ENTREP2: variants seen among roughly 807,000 people sequenced by gnomAD.
ENTREP2 encodes protein ENTREP2.
chr15:29,206,192 G>C, the ENTREP2 span, among the ~76,000 whole-genome samples: 9 of 152,172 alleles, frequency 5.9e-5, no homozygotes, highest in African/African-American at 2.2e-4. Context: ...TTTGGTGTAT[G>C]GTGACATCCT....
chr15:29,634,351 C>A, the ENTREP2 span, among the ~76,000 whole-genome samples: 2 of 152,158 alleles, frequency 1.3e-5, no homozygotes, highest in African/African-American at 2.4e-5. Context: ...CCCCTCCCAG[C>A]AGAGCTTGGA....
At chr15:29,657,724 G>A in the ENTREP2 span, among the ~76,000 whole-genome samples, 1 of 152,044 alleles carries the variant, frequency 6.6e-6, no homozygotes, top group African/African-American at 2.4e-5. Context: ...TTCCTGATTG[G>A]TGCATTTTAC....
At chr15:29,620,276 T>C in the ENTREP2 span, among the ~76,000 whole-genome samples, 1 of 152,054 alleles carries the variant, frequency 6.6e-6, no homozygotes, top group African/African-American at 2.4e-5. Flanking sequence ...GCCATGGAGC[T>C]GAGCATGAAC....
At chr15:29,442,222 C>T in the ENTREP2 span, among the ~76,000 whole-genome samples, 1 of 152,118 alleles carries the variant, frequency 6.6e-6, no homozygotes, top group Non-Finnish European at 1.5e-5. Context: ...ATCAGATAAG[C>T]GTTATAAAAA....
At chr15:29,238,567 G>A in the ENTREP2 span, among the ~76,000 whole-genome samples, 5 of 152,026 alleles carry the variant, frequency 3.3e-5, no homozygotes, top group Admixed American at 2.0e-4. Context: ...CCTGGAAGGC[G>A]GAGGTTGCAA....
At chr15:29,284,185 A>G in the ENTREP2 span, among the ~76,000 whole-genome samples, 1 of 152,236 alleles carries the variant, frequency 6.6e-6, no homozygotes. Context: ...ACACATCCTT[A>G]CAAAGCTGCT....
chr15:29,349,025 T>C, the ENTREP2 span, among the ~76,000 whole-genome samples: 1 of 152,178 alleles, frequency 6.6e-6, no homozygotes, highest in Non-Finnish European at 1.5e-5. Context: ...AAAAGTCCAG[T>C]TGGCAGAGCA....
the ENTREP2 span, among the ~76,000 whole-genome samples, chr15:29,212,127 T>C: frequency 1.3e-5 from 2 of 152,182 alleles, no homozygotes; most frequent in East Asian, 3.8e-4. Flanking sequence ...TTGTTGGTAA[T>C]TTTTAAATTG....
the ENTREP2 span, chr15:29,195,453 C>T: frequency 3.4e-6 from 1 of 290,358 alleles, no homozygotes; most frequent in Non-Finnish European, 5.1e-6. Context: ...CTAGAACCCC[C>T]TCCATACTGC....
At chr15:29,513,214 G>A in the ENTREP2 span, among the ~76,000 whole-genome samples, 2 of 152,090 alleles carry the variant, frequency 1.3e-5, no homozygotes, top group Non-Finnish European at 2.9e-5. Context: ...GGACCACAAG[G>A]GCCGCCTGCT....
At chr15:29,608,524 T>TATG in the ENTREP2 span, among the ~76,000 whole-genome samples, 1 of 132,866 alleles carries the variant, frequency 7.5e-6, no homozygotes, top group African/African-American at 3.1e-5. Context: ...CTGCCTTCTT[T>TATG]ATTATTATTA....
At chr15:29,222,504 G>A in the ENTREP2 span, among the ~76,000 whole-genome samples, 4 of 152,150 alleles carry the variant, frequency 2.6e-5, no homozygotes, top group South Asian at 8.3e-4. Flanking sequence ...CCTCTCTTGG[G>A]GTCTGGATTG....
At chr15:29,623,006 C>T in the ENTREP2 span, among the ~76,000 whole-genome samples, 2 of 152,138 alleles carry the variant, frequency 1.3e-5, no homozygotes, top group Admixed American at 6.5e-5. Context: ...AGTGGTTTTA[C>T]GATGATGTTT....
the ENTREP2 span, among the ~76,000 whole-genome samples, chr15:29,517,189 C>A: frequency 6.6e-6 from 1 of 152,080 alleles, no homozygotes; most frequent in South Asian, 2.1e-4. Flanking sequence ...CAACCTCATC[C>A]CACACATGCA....
the ENTREP2 span, among the ~76,000 whole-genome samples, chr15:29,630,528 T>TG: frequency 6.6e-6 from 1 of 152,210 alleles, no homozygotes; most frequent in East Asian, 1.9e-4. Context: ...GCACCAAAGT[T>TG]GGGGAATTTT....
chr15:29,234,094 C>T, the ENTREP2 span: 1 of 1,497,382 alleles, frequency 6.7e-7, no homozygotes, highest in East Asian at 2.3e-5. Context: ...GTCTTGATAA[C>T]ATATCAGACA....
chr15:29,569,575 G>A, the ENTREP2 span: 1 of 152,168 alleles, frequency 6.6e-6, no homozygotes, highest in South Asian at 2.1e-4. Flanking sequence ...AGAGTTCTCA[G>A]AACAAGTGCC....
At chr15:29,431,117 C>A in the ENTREP2 span, among the ~76,000 whole-genome samples, 4 of 152,144 alleles carry the variant, frequency 2.6e-5, no homozygotes. Context: ...TTAATCCTCA[C>A]AAGGACCTAA....
the ENTREP2 span, among the ~76,000 whole-genome samples, chr15:29,305,234 G>T: frequency 1.3e-5 from 2 of 152,214 alleles, no homozygotes; most frequent in Admixed American, 1.3e-4. Flanking sequence ...AGAATTTCTG[G>T]TTCCAGAAGA....
Sources: allele counts gnomAD v4.1 joint callset (sites outside exome capture counted in the v4.1 genomes callset), GRCh38; gene constraint gnomAD v4.1.1; transcripts MANE v1.5; gene names NCBI Gene and HGNC (gene_info 2026-07-23, HGNC 2026-07-21).